The following NR6A1 variants were observed in gnomAD, a reference collection of about 807,000 sequenced individuals.
NR6A1 encodes nuclear receptor subfamily 6 group A member 1, also known as retinoic acid receptor-related testis-associated receptor.
A neutral mutation model predicts 59.1 loss-of-function variants in NR6A1; 7 were observed. The ratio of observed to expected loss-of-function variants is 0.12; its 90% CI spans 0.07 to 0.22. The LOEUF is 0.22. Among genes scored for constraint, NR6A1 ranks in the 10% least tolerant of loss-of-function variants. The pLI is 1.00. For missense variants in NR6A1, 468 were observed against 611.6 expected, an observed-to-expected ratio of 0.77 and a Z score of 2.48; for synonymous variants, 243 against 236.1, an observed-to-expected ratio of 1.03 and a Z score of -0.27.
intron 7 of NR6A1, among the ~76,000 whole-genome samples, chr9:124,530,130 G>C (rs969903369): frequency 3.3e-5 from 5 of 152,156 alleles, no homozygotes; most frequent in Non-Finnish European, 4.4e-5. Context: ...GTTCCTGGCT[G>C]ACTCTTGACC....
intron 1 of NR6A1, among the ~76,000 whole-genome samples, chr9:124,734,797 T>C (rs779333441): frequency 1.3e-5 from 2 of 152,216 alleles, no homozygotes; most frequent in Non-Finnish European, 2.9e-5. Context: ...CTAGCCGTCA[T>C]ATGGGAGAAA....
Position 124,536,150 on chromosome 9 carries a change from G to A in NR6A1, c.825-18C>T, listed in dbSNP as rs1052232933. ...CAGCGTATCTGAGGGGCAGGGACAG[G>A]GGAAAGTCACTTCCATTGGTCAGAG... On this transcript the variant is annotated intron_variant, in intron 6 of 9. Coordinates refer to ENST00000487099, the MANE Select transcript of NR6A1 (RefSeq NM_033334.4). 7 of 1,605,954 alleles carry A rather than the reference G, an allele frequency of 4.4e-6. No individual in the cohort carries two copies. The highest frequency in any genetic ancestry group is 5.1e-6 in the Non-Finnish European group (6 of 1,174,992).
intron 2 of NR6A1, among the ~76,000 whole-genome samples, chr9:124,653,076 G>C (rs772705474): frequency 3.9e-5 from 6 of 152,008 alleles, no homozygotes; most frequent in Admixed American, 2.6e-4. Context: ...CATTAATAGA[G>C]AATCTATATA....
chr9:124,760,403 T>C (rs1362637494), intron 1 of NR6A1, among the ~76,000 whole-genome samples: 1 of 152,170 alleles, frequency 6.6e-6, no homozygotes, highest in Non-Finnish European at 1.5e-5. Context: ...GTGGGTCTTT[T>C]TGGCTCTCTA....
At chr9:124,540,473 C>T (rs1002893068) in intron 4 of NR6A1, among the ~76,000 whole-genome samples, 2 of 152,144 alleles carry the variant, frequency 1.3e-5, no homozygotes, top group African/African-American at 4.8e-5. Flanking sequence ...CTTTCCTAAC[C>T]CTGAAACACC....
At chr9:124,763,086 A>C (rs1262168699) in intron 1 of NR6A1, among the ~76,000 whole-genome samples, 2 of 152,224 alleles carry the variant, frequency 1.3e-5, no homozygotes, top group Non-Finnish European at 2.9e-5. Context: ...ATCACAACAT[A>C]ATCACACAAG....
chr9:124,630,672 T>TTC (rs1250944814), intron 2 of NR6A1, among the ~76,000 whole-genome samples: 1 of 125,010 alleles, frequency 8.0e-6, no homozygotes, highest in Non-Finnish European at 1.6e-5. Flanking sequence ...CTACATTTCT[T>TTC]TTTTTTTTTT....
At chr9:124,758,654 T>C (rs1000797192) in intron 1 of NR6A1, among the ~76,000 whole-genome samples, 8 of 152,180 alleles carry the variant, frequency 5.3e-5, no homozygotes, top group Non-Finnish European at 1.5e-5. Flanking sequence ...ACTGTAAACA[T>C]TTCTATAAGG....
intron 2 of NR6A1, among the ~76,000 whole-genome samples, chr9:124,646,511 A>C (rs1459699933): frequency 1.3e-5 from 2 of 152,208 alleles, no homozygotes; most frequent in Non-Finnish European, 2.9e-5. Flanking sequence ...AAAATAAAGG[A>C]ATATAATGAA....
rs1186524851 is a variant in NR6A1, at chr9:124,520,086, C to A, written c.*2619G>T. 6.6e-6 allele frequency: 1 copy of A among 151,956 alleles called. No homozygotes were observed. Among genetic ancestry groups the A allele is most frequent in the Non-Finnish European group, 1.5e-5 (1 of 68,006 alleles). 9.4% of individuals were successfully genotyped at this position (151,956 alleles called of 1,614,324 possible). ...GGGAAGAAAGCAAAAAACAAACACA[C>A]CAAACCTCCCCTCCAACCTTTCTCC... On this transcript the variant is annotated 3_prime_UTR_variant, in exon 10 of 10. Coordinates refer to ENST00000487099, the MANE Select transcript of NR6A1 (RefSeq NM_033334.4).
intron 2 of NR6A1, among the ~76,000 whole-genome samples, chr9:124,683,979 T>A (rs1838250255): frequency 1.3e-5 from 2 of 152,214 alleles, no homozygotes. Flanking sequence ...AACATTTGTG[T>A]GGATACTAGC....
intron 2 of NR6A1, among the ~76,000 whole-genome samples, chr9:124,582,579 TAA>T (rs1011600360): frequency 1.4e-5 from 2 of 142,152 alleles, no homozygotes; most frequent in Non-Finnish European, 1.5e-5. Flanking sequence ...ACTTAAAAGT[TAA>T]AAAAAAAAAA....
chr9:124,768,925 C>A (rs1404568761), intron 1 of NR6A1, among the ~76,000 whole-genome samples: 3 of 152,126 alleles, frequency 2.0e-5, no homozygotes, highest in Non-Finnish European at 4.4e-5. Context: ...GAAGGCATCA[C>A]AGAAATATAC....
chr9:124,573,708 A>G (rs1834512044), intron 2 of NR6A1, among the ~76,000 whole-genome samples: 1 of 152,220 alleles, frequency 6.6e-6, no homozygotes. Context: ...CTAAATACTA[A>G]TCTATAGGAG....
At chr9:124,757,769 G>T (rs552295760) in intron 1 of NR6A1, among the ~76,000 whole-genome samples, 1 of 152,264 alleles carries the variant, frequency 6.6e-6, no homozygotes, top group African/African-American at 2.4e-5. Flanking sequence ...GTTTCCCAGG[G>T]TATGTTCCTT....
chr9:124,649,535 C>T (rs1476860405), intron 2 of NR6A1, among the ~76,000 whole-genome samples: 1 of 152,120 alleles, frequency 6.6e-6, no homozygotes, highest in African/African-American at 2.4e-5. Flanking sequence ...TGCTTCAGGA[C>T]ACGGGTCTGG....
intron 2 of NR6A1, among the ~76,000 whole-genome samples, chr9:124,712,821 C>T (rs965889732): frequency 2.0e-5 from 3 of 152,226 alleles, no homozygotes; most frequent in East Asian, 3.9e-4. Flanking sequence ...GTGTAATTCA[C>T]CATATTAAGT....
intron 2 of NR6A1, among the ~76,000 whole-genome samples, chr9:124,701,412 A>C (rs1838947330): frequency 6.6e-6 from 1 of 152,224 alleles, no homozygotes; most frequent in East Asian, 1.9e-4. Flanking sequence ...ATATACATAA[A>C]ATTTACCATT....
chr9:124,632,687 G>GT (rs1836482479), intron 2 of NR6A1, among the ~76,000 whole-genome samples: 1 of 152,212 alleles, frequency 6.6e-6, no homozygotes, highest in African/African-American at 2.4e-5. Flanking sequence ...TATAACAAAA[G>GT]TATCATGCAT....
Sources: allele counts gnomAD v4.1 joint callset (sites outside exome capture counted in the v4.1 genomes callset), GRCh38; gene constraint gnomAD v4.1.1; transcripts MANE v1.5; gene names NCBI Gene and HGNC (gene_info 2026-07-23, HGNC 2026-07-21).